The following LIFR variants were observed in gnomAD, a reference collection of about 807,000 sequenced individuals.
The protein encoded by LIFR is LIF receptor subunit alpha, also known as leukemia inhibitory factor receptor.
In LIFR, 84 loss-of-function variants were observed where a neutral mutation model predicts 122.2. The ratio of observed to expected loss-of-function variants is 0.69; its 90% CI spans 0.58 to 0.82. The LOEUF (loss-of-function observed/expected upper bound fraction) is 0.82. LIFR is among the 40% of genes least tolerant of loss of function. The pLI is 0.00. For missense variants in LIFR, 1,294 were observed against 1,311.6 expected (o/e 0.99, Z 0.21); for synonymous variants, 422 against 434.7 (o/e 0.97, Z 0.36).
Position 38,506,076 on chromosome 5 carries a change from TGTTA to T in LIFR, c.1122-6_1122-3del. ...AGTCTAACATATTTTCCTGAAAAACTGTTAATTAACAGAAAAATAATTTCAAAAT... is the reference window on the plus strand; with the variant it reads ...AGTCTAACATATTTTCCTGAAAAACTATTAACAGAAAAATAATTTCAAAAT... On this transcript the variant is annotated splice_region_variant and splice_polypyrimidine_tract_variant and intron_variant, in intron 8 of 19. Transcript: ENST00000453190. 6.3e-7 allele frequency: 1 copy of T among 1,581,508 alleles called. No homozygotes were observed. Among genetic ancestry groups the T allele is most frequent in the Non-Finnish European group, 8.7e-7 (1 of 1,155,986 alleles).
chr5:38,504,415 C>CAAAAAAAAAAAAAAAAAAAAAAA (rs71604899), intron 9 of LIFR, among the ~76,000 whole-genome samples: 17 of 120,342 alleles, frequency 1.4e-4, no homozygotes, highest in South Asian at 2.8e-4. Flanking sequence ...AGGGAATGAC[C>CAAAAAAAAAAAAAAAAAAAAAAA]AAAAAAAAAA....
intron 1 of LIFR, among the ~76,000 whole-genome samples, chr5:38,585,420 TG>T (rs1349927120): frequency 6.6e-6 from 1 of 152,250 alleles, no homozygotes; most frequent in Non-Finnish European, 1.5e-5. Flanking sequence ...TACTGACTTT[TG>T]CCAGGGTCAT....
chr5:38,548,331 C>T (rs1240111901), intron 1 of LIFR, among the ~76,000 whole-genome samples: 1 of 152,156 alleles, frequency 6.6e-6, no homozygotes, highest in East Asian at 1.9e-4. Flanking sequence ...TAGTATGTTC[C>T]TCATATACAG....
At chr5:38,495,797 ATC>A (rs1353466398) in intron 13 of LIFR, among the ~76,000 whole-genome samples, 2 of 152,214 alleles carry the variant, frequency 1.3e-5, no homozygotes, top group Non-Finnish European at 2.9e-5. Context: ...GAATGTATTA[ATC>A]ACTGGACATC....
At chr5:38,483,225 A>T (rs1056861488) in intron 18 of LIFR, among the ~76,000 whole-genome samples, 8 of 152,214 alleles carry the variant, frequency 5.3e-5, no homozygotes, top group African/African-American at 1.9e-4. Flanking sequence ...CCGAAAACTA[A>T]ACGCAACCAA....
At position 38,476,764 on chromosome 5, in the gene LIFR, G is replaced by A. The variant is rs558613121; in HGVS notation, c.*4831C>T. The A allele has an allele frequency of 2.7e-4, 57 of 210,318 alleles. No individual in the cohort carries two copies. The highest frequency in any genetic ancestry group is 1.1e-3 in the African/African-American group (49 of 44,118). The allele number at this position is 210,318 out of a possible 1,614,324, so 13.0% of individuals were successfully genotyped here. A position where few individuals can be genotyped will look rare whatever the true frequency, so the allele number is the denominator to read the frequency against. ...GATGTACTGTTTCTACGGTTCTTTA[G>A]GCACTTACACATAAAAACATTCAGA... On this transcript the variant is annotated 3_prime_UTR_variant, in exon 20 of 20. Coordinates refer to ENST00000453190, the MANE Select transcript of LIFR (RefSeq NM_001127671.2).
chr5:38,480,528 T>C lies in LIFR; in HGVS notation c.*1067A>G, dbSNP rs1005328918. On this transcript the variant is annotated 3_prime_UTR_variant, in exon 20 of 20. Transcript: ENST00000453190. ...GAGGACTGGATCAGATAATGTGGCA[T>C]GATGAAAAGACTCATGAGTGGGAGG... The C allele has an allele frequency of 3.7e-5, 8 of 217,182 alleles. No homozygotes were observed. The highest frequency in any genetic ancestry group is 2.9e-4 in the Admixed American group (5 of 17,222). 13.5% of individuals were successfully genotyped at this position (217,182 alleles called of 1,614,324 possible).
At chr5:38,522,357 C>G (rs895379029) in intron 5 of LIFR, among the ~76,000 whole-genome samples, 1 of 152,172 alleles carries the variant, frequency 6.6e-6, no homozygotes, top group Admixed American at 6.5e-5. Flanking sequence ...TGTCACTTCT[C>G]TTGAATCCCG....
rs16903991 is a variant in LIFR at position 38,527,426 on chromosome 5, C to T, written c.258-132G>A. The T allele has an allele frequency of 0.012, 7,386 of 638,654 alleles. 316 individuals are homozygous for T. Among genetic ancestry groups the T allele is most frequent in the African/African-American group, 0.1 (5,610 of 54,514 alleles). 39.6% of individuals were successfully genotyped at this position (638,654 alleles called of 1,614,324 possible). On this transcript the variant is annotated intron_variant, in intron 3 of 19. Transcript: ENST00000453190. Reference sequence around the variant, plus strand: ...GTTGCAAAAACATGATAGGTTGTACCGCATTTTAAGACTGAAAAAACAGAT... The same window carrying T: ...GTTGCAAAAACATGATAGGTTGTACTGCATTTTAAGACTGAAAAAACAGAT...
At chr5:38,568,670 A>T (rs1215521102) in intron 1 of LIFR, among the ~76,000 whole-genome samples, 1 of 152,178 alleles carries the variant, frequency 6.6e-6, no homozygotes, top group South Asian at 2.1e-4. Context: ...GTTGGGCATC[A>T]TCTATGACTT....
At chr5:38,533,095 T>A (rs1243457279) in intron 1 of LIFR, among the ~76,000 whole-genome samples, 1 of 152,102 alleles carries the variant, frequency 6.6e-6, no homozygotes, top group Non-Finnish European at 1.5e-5. Flanking sequence ...CCAGATGAGG[T>A]AGAAATCTGG....
intron 1 of LIFR, among the ~76,000 whole-genome samples, chr5:38,532,008 A>G (rs1206376185): frequency 6.6e-6 from 1 of 152,228 alleles, no homozygotes; most frequent in East Asian, 1.9e-4. Context: ...TATTCACAAA[A>G]TATCTAAAAT....
chr5:38,576,855 C>A (rs1023737453), intron 1 of LIFR, among the ~76,000 whole-genome samples: 1 of 152,172 alleles, frequency 6.6e-6, no homozygotes, highest in Non-Finnish European at 1.5e-5. Context: ...ACATTCAAAG[C>A]ACAGAGTTGT....
chr5:38,540,714 T>C (rs969874682), intron 1 of LIFR, among the ~76,000 whole-genome samples: 1 of 152,128 alleles, frequency 6.6e-6, no homozygotes, highest in Non-Finnish European at 1.5e-5. Flanking sequence ...GTTGCTTTTT[T>C]AGTTTTTTTT....
intron 1 of LIFR, among the ~76,000 whole-genome samples, chr5:38,570,741 A>C (rs1282673711): frequency 6.6e-6 from 1 of 152,156 alleles, no homozygotes; most frequent in Non-Finnish European, 1.5e-5. Flanking sequence ...TGAAGATGCC[A>C]TTTTTTCAGC....
chr5:38,587,935 C>G (rs1269915543), intron 1 of LIFR, among the ~76,000 whole-genome samples: 1 of 152,204 alleles, frequency 6.6e-6, no homozygotes, highest in Non-Finnish European at 1.5e-5. Context: ...AGGCCCTGGC[C>G]TGGAGATATG....
rs142728546 is a variant in LIFR at position 38,516,842 on chromosome 5, T to C, written c.562-4878A>G. ...TCAATGATAGACTGGATGAAGAAAATGTGGCACATACACACCATGGAGTAC... is the reference window on the plus strand; with the variant it reads ...TCAATGATAGACTGGATGAAGAAAACGTGGCACATACACACCATGGAGTAC... On this transcript the variant is annotated intron_variant, in intron 5 of 19. Coordinates refer to ENST00000453190, the MANE Select transcript of LIFR (RefSeq NM_001127671.2). Among the ~76,000 whole-genome samples the C allele has an allele frequency of 1.3e-3, 200 of 151,982 alleles. 2 individuals carry two copies. In the East Asian group the frequency reaches 0.027, roughly 21 times the overall value.
At chr5:38,502,573 A>T in intron 11 of LIFR, 64 bp downstream of exon 11, 1 of 1,395,462 alleles carries the variant, frequency 7.2e-7, no homozygotes, top group African/African-American at 1.4e-5. Flanking sequence ...TCTTCTTTTT[A>T]AAGAAGTTGT....
At chr5:38,487,561 C>G (rs2112385731) in intron 16 of LIFR, among the ~76,000 whole-genome samples, 1 of 152,228 alleles carries the variant, frequency 6.6e-6, no homozygotes, top group Non-Finnish European at 1.5e-5. Context: ...AATTCTTTGG[C>G]TCTATATACA....
Sources: gnomAD v4.1 joint callset for allele counts (sites outside exome capture counted in the v4.1 genomes callset) on GRCh38, gnomAD v4.1.1 for gene constraint, MANE v1.5 for transcripts, NCBI Gene and HGNC (gene_info 2026-07-23, HGNC 2026-07-21) for gene names.